MAPKAPK2: variants seen among roughly 807,000 people sequenced by gnomAD.
The protein encoded by MAPKAPK2 is MAP kinase-activated protein kinase 2.
Under a neutral mutation model 48.8 loss-of-function variants are expected in MAPKAPK2, and 9 were observed. The observed-to-expected ratio is 0.18, with a 90% CI of 0.11 to 0.32. MAPKAPK2 has a LOEUF of 0.32. Ranked by LOEUF, MAPKAPK2 falls within the 10% of genes least tolerant of loss-of-function variation. The pLI is 1.00. For missense variants in MAPKAPK2, 331 were observed against 498.3 expected (o/e 0.66, Z 3.20); for synonymous variants, 202 against 190.6 (o/e 1.06, Z -0.49).
chr1:206,730,779 A>C lies in MAPKAPK2; in HGVS notation c.767+16A>C. ...TGTACATCCTGTGAGTGTGCTGGGG[A>C]GGGGGCTGGGTGGGGCAGGGAGTCA... On this transcript the variant is annotated intron_variant, in intron 6 of 9. Coordinates refer to ENST00000367103, the MANE Select transcript of MAPKAPK2 (RefSeq NM_032960.4). The C allele has an allele frequency of 1.8e-6, 1 of 541,500 alleles. No individual in the cohort carries two copies. The highest frequency in any genetic ancestry group is 3.4e-6 in the Non-Finnish European group (1 of 297,598). 33.5% of individuals were successfully genotyped at this position (541,500 alleles called of 1,614,324 possible).
intron 1 of MAPKAPK2, among the ~76,000 whole-genome samples, chr1:206,725,349 A>G (rs1376206361): frequency 6.6e-6 from 1 of 152,132 alleles, no homozygotes; most frequent in African/African-American, 2.4e-5. Flanking sequence ...ACTGGGCTGA[A>G]GACAGAAACC....
In MAPKAPK2 at chr1:206,728,761, G is replaced by A; in HGVS notation, c.331G>A (p.Ala111Thr). 4 of 1,613,944 alleles carry A rather than the reference G, an allele frequency of 2.5e-6. No individual in the cohort carries two copies. The highest frequency in any genetic ancestry group is 3.4e-6 in the Non-Finnish European group (4 of 1,179,992). The change falls in exon 2 of 10, where the codon GCC (alanine) becomes ACC (threonine). Residue 111 changes from alanine (A) to threonine (T), a missense_variant. By Grantham distance (58) the Ala-to-Thr change is moderately conservative. Transcript: ENST00000367103. ...ARREVELHWR[A>T]SQCPHIVRIV... is the part of the protein sequence containing the mutation. ...CAGGGAGGTGGAGCTGCACTGGCGGGCCTCCCAGTGCCCGCACATCGTACG... is the reference window on the plus strand; with the variant it reads ...CAGGGAGGTGGAGCTGCACTGGCGGACCTCCCAGTGCCCGCACATCGTACG...
At chr1:206,706,453 C>T (rs1377915772) in intron 1 of MAPKAPK2, among the ~76,000 whole-genome samples, 5 of 152,280 alleles carry the variant, frequency 3.3e-5, no homozygotes, top group Admixed American at 6.5e-5. Flanking sequence ...GTTTGGGAAT[C>T]GGGAGTATTA....
chr1:206,731,974 G>C lies in MAPKAPK2; in HGVS notation c.1059+55G>C, dbSNP rs1309186821. ...CCAGGTGGGGTGGGCGGCTTGCGGGGAGTGCCCAGGTGTGAGGCGTGGTGC... is the reference window on the plus strand; with the variant it reads ...CCAGGTGGGGTGGGCGGCTTGCGGGCAGTGCCCAGGTGTGAGGCGTGGTGC... On this transcript the variant is annotated intron_variant, in intron 9 of 9. Coordinates refer to ENST00000367103, the MANE Select transcript of MAPKAPK2 (RefSeq NM_032960.4). The surrounding 1 kb of genome is among the most constrained non-coding windows in gnomAD (Gnocchi z 5.9). 2.5e-6 allele frequency: 4 copies of C among 1,614,016 alleles called. No homozygotes were observed. The highest frequency in any genetic ancestry group is 3.4e-6 in the Non-Finnish European group (4 of 1,180,008).
Position 206,731,804 on chromosome 1 carries a change from A to G in MAPKAPK2, c.979-35A>G, listed in dbSNP as rs190801417. On this transcript the variant is annotated intron_variant, in intron 8 of 9. Coordinates refer to ENST00000367103, the MANE Select transcript of MAPKAPK2 (RefSeq NM_032960.4). This position sits in a 1 kb window ranked among gnomAD's most constrained non-coding sequence, Gnocchi z 5.9. The stretch of plus-strand genomic sequence containing the variant: ...AGAGTCTTAGCCAGGACCCTACCCC[A>G]GGCTTTCACTCGGACCCCTTTTCTC... The G allele has an allele frequency of 3.9e-5, 63 of 1,610,848 alleles. No homozygotes were observed. The East Asian group carries it at 1.3e-3, about 32-fold the overall frequency.
chr1:206,713,152 C>T lies in MAPKAPK2; in HGVS notation c.280-15558C>T, dbSNP rs1673213082. On this transcript the variant is annotated intron_variant, in intron 1 of 9. Coordinates refer to ENST00000367103, the MANE Select transcript of MAPKAPK2 (RefSeq NM_032960.4). ...TCCCAGCTTCCAAGAGGTACATGGT[C>T]CACAGTGAAAAGAGAAACCGTTTTA... Among the ~76,000 whole-genome samples, 2 of 152,120 alleles carry T rather than the reference C, an allele frequency of 1.3e-5. 1 individual carries two copies. Among genetic ancestry groups the T allele is most frequent in the Admixed American group, 1.3e-4 (2 of 15,270 alleles).
chr1:206,719,313 G>A (rs1673439654), intron 1 of MAPKAPK2, among the ~76,000 whole-genome samples: 1 of 152,192 alleles, frequency 6.6e-6, no homozygotes, highest in African/African-American at 2.4e-5. Context: ...ACAGTGGCCC[G>A]CAGTCGAGCC....
intron 6 of MAPKAPK2, 50 bp downstream of exon 6, chr1:206,730,813 T>C (rs1553432529): frequency 1.3e-6 from 2 of 1,575,050 alleles, no homozygotes; most frequent in Non-Finnish European, 1.7e-6. Flanking sequence ...CAGGGCGGCC[T>C]GTACTTCTCC....
At chr1:206,695,658 G>T (rs540754423) in intron 1 of MAPKAPK2, among the ~76,000 whole-genome samples, 2 of 151,424 alleles carry the variant, frequency 1.3e-5, no homozygotes, top group Non-Finnish European at 2.9e-5. Context: ...AGAGCCTTTC[G>T]CACCAAAAGT....
chr1:206,733,604 C>T lies in MAPKAPK2; in HGVS notation c.*886C>T, dbSNP rs1315468463. ...CCAGCCCCCAGGGCCCCCCTCCCCC[C>T]ACTTAGTGCTGGTCCTAGGTCCTCT... is the stretch of plus-strand genomic sequence containing the variant. On this transcript the variant is annotated 3_prime_UTR_variant, in exon 10 of 10. Transcript: ENST00000367103. 2.0e-5 allele frequency: 3 copies of T among 152,536 alleles called. No homozygotes were observed. Among genetic ancestry groups the T allele is most frequent in the Admixed American group, 2.0e-4 (3 of 15,284 alleles). The allele number at this position is 152,536 out of a possible 1,614,324, so 9.4% of individuals were successfully genotyped here.
intron 1 of MAPKAPK2, among the ~76,000 whole-genome samples, chr1:206,697,027 T>C (rs1259911402): frequency 1.3e-5 from 2 of 152,228 alleles, no homozygotes; most frequent in Non-Finnish European, 2.9e-5. Flanking sequence ...AGGCACCTTC[T>C]ATTTCTGCTT....
intron 1 of MAPKAPK2, among the ~76,000 whole-genome samples, chr1:206,719,717 C>G (rs1469100222): frequency 6.6e-6 from 1 of 152,200 alleles, no homozygotes; most frequent in African/African-American, 2.4e-5. Flanking sequence ...TCTGCCACCT[C>G]TTATGCTTCC....
At chr1:206,687,672 C>T (rs1332739719) in intron 1 of MAPKAPK2, among the ~76,000 whole-genome samples, 1 of 152,224 alleles carries the variant, frequency 6.6e-6, no homozygotes, top group Non-Finnish European at 1.5e-5. Flanking sequence ...TCCAGAGACA[C>T]ACACCAAAGA....
At chr1:206,716,992 C>T (rs1426604141) in intron 1 of MAPKAPK2, among the ~76,000 whole-genome samples, 9 of 152,178 alleles carry the variant, frequency 5.9e-5, no homozygotes, top group Admixed American at 2.6e-4. Context: ...TTTATTGTGA[C>T]TCTTCTCTAC....
intron 1 of MAPKAPK2, among the ~76,000 whole-genome samples, chr1:206,701,988 G>C (rs891909609): frequency 2.0e-5 from 3 of 152,094 alleles, no homozygotes; most frequent in Non-Finnish European, 4.4e-5. Flanking sequence ...ACCACTCTTT[G>C]TGTCTAGTTG....
At chr1:206,730,857 C>A in intron 6 of MAPKAPK2, 94 bp downstream of exon 6, 2 of 1,374,182 alleles carry the variant, frequency 1.5e-6, no homozygotes, top group South Asian at 1.2e-5. Flanking sequence ...TTAGCATTCC[C>A]CTTTGTACAG....
intron 1 of MAPKAPK2, among the ~76,000 whole-genome samples, chr1:206,700,222 A>C (rs191701739): frequency 6.6e-6 from 1 of 152,082 alleles, no homozygotes; most frequent in East Asian, 1.9e-4. Context: ...CTATGTCTCC[A>C]AAGGGAAGTA....
chr1:206,698,973 A>AAG (rs1672711652), intron 1 of MAPKAPK2, among the ~76,000 whole-genome samples: 1 of 152,194 alleles, frequency 6.6e-6, no homozygotes, highest in African/African-American at 2.4e-5. Flanking sequence ...TTGTGACTCC[A>AAG]TTATAATTGG....
intron 1 of MAPKAPK2, among the ~76,000 whole-genome samples, chr1:206,706,173 A>T (rs1246049779): frequency 6.6e-6 from 1 of 150,924 alleles, no homozygotes; most frequent in Non-Finnish European, 1.5e-5. Context: ...TAATCTTAAA[A>T]GGCTGCTTTT....
Sources: gnomAD v4.1 joint callset for allele counts (sites outside exome capture counted in the v4.1 genomes callset) on GRCh38, gnomAD v4.1.1 for gene constraint, Gnocchi (gnomAD v3.1) non-coding constraint, MANE v1.5 for transcripts, NCBI Gene and HGNC (gene_info 2026-07-23, HGNC 2026-07-21) for gene names.